Variants in SLC16A7 observed in about 807,000 individuals in gnomAD.
The protein encoded by SLC16A7 is monocarboxylate transporter 2.
In SLC16A7, 33 loss-of-function variants were observed where a neutral mutation model predicts 34.9. The observed-to-expected ratio is 0.94, with a 90% CI of 0.72 to 1.26. The LOEUF (loss-of-function observed/expected upper bound fraction) is 1.26. SLC16A7 is among the 50% of genes most tolerant of loss of function. The pLI is 0.00. For missense variants in SLC16A7, 573 were observed against 578.1 expected, an observed-to-expected ratio of 0.99 and a Z score of 0.09; for synonymous variants, 201 against 206.6, an observed-to-expected ratio of 0.97 and a Z score of 0.23.
intron 1 of SLC16A7, among the ~76,000 whole-genome samples, chr12:59,611,127 A>G (rs1879173811): frequency 6.6e-6 from 1 of 152,216 alleles, no homozygotes; most frequent in Non-Finnish European, 1.5e-5. Context: ...TTAGGACTCA[A>G]TCATCTCCTG....
intron 1 of SLC16A7, among the ~76,000 whole-genome samples, chr12:59,616,015 A>G (rs1879432639): frequency 6.6e-6 from 1 of 152,190 alleles, no homozygotes; most frequent in African/African-American, 2.4e-5. Context: ...GAAACTACAG[A>G]TAATAGTCAT....
At chr12:59,667,375 T>C (rs1869293211) in intron 2 of SLC16A7, among the ~76,000 whole-genome samples, 1 of 152,148 alleles carries the variant, frequency 6.6e-6, no homozygotes, top group African/African-American at 2.4e-5. Context: ...CCTAGAGACT[T>C]GTTGAATGGC....
chr12:59,644,554 C>A (rs1167491203), intron 1 of SLC16A7, among the ~76,000 whole-genome samples: 1 of 152,128 alleles, frequency 6.6e-6, no homozygotes, highest in Non-Finnish European at 1.5e-5. Flanking sequence ...GAGTGAGACT[C>A]TTTCTCAAAA....
intron 3 of SLC16A7, among the ~76,000 whole-genome samples, chr12:59,738,921 A>G (rs1473906449): frequency 6.6e-6 from 1 of 151,428 alleles, no homozygotes; most frequent in Non-Finnish European, 1.5e-5. Flanking sequence ...CCATTTATCT[A>G]TGGAGAACTT....
chr12:59,671,287 G>A (rs771070243), intron 2 of SLC16A7, among the ~76,000 whole-genome samples: 5 of 152,040 alleles, frequency 3.3e-5, no homozygotes, highest in African/African-American at 4.8e-5. Flanking sequence ...GAAATGATAT[G>A]GTTCAAACAT....
At chr12:59,663,493 C>T (rs1693614) in intron 2 of SLC16A7, among the ~76,000 whole-genome samples, 76,508 of 151,740 alleles carry the variant, frequency 0.5, 20,429 homozygotes, top group East Asian at 0.71. Context: ...TCACTTATAT[C>T]ACATTTTAGT....
At chr12:59,758,757 A>T (rs1409894365) in intron 3 of SLC16A7, among the ~76,000 whole-genome samples, 1 of 152,118 alleles carries the variant, frequency 6.6e-6, no homozygotes, top group Non-Finnish European at 1.5e-5. Flanking sequence ...ACAGTACCAC[A>T]TGCACATCTC....
rs182892571 is a variant in SLC16A7, at chr12:59,733,627, C to T, written c.217+28609C>T. 1,031 of 439,248 alleles carry T rather than the reference C, an allele frequency of 2.3e-3. 3 individuals carry two copies. The highest frequency in any genetic ancestry group is 3.8e-3 in the Non-Finnish European group (828 of 219,018). 27.2% of individuals were successfully genotyped at this position (439,248 alleles called of 1,614,324 possible). A position where few individuals can be genotyped will look rare whatever the true frequency, so the allele number is the denominator to read the frequency against. On this transcript the variant is annotated intron_variant, in intron 3 of 5. Coordinates refer to ENST00000547379, the MANE Select transcript of SLC16A7 (RefSeq NM_001270623.2). The stretch of plus-strand genomic sequence containing the variant: ...CTAAGGGCTTCCCAAAGGGCCACAG[C>T]TCCTCTCTCCTTCTCATCACCTGAA...
intron 3 of SLC16A7, among the ~76,000 whole-genome samples, chr12:59,756,023 A>C (rs1282942054): frequency 6.6e-6 from 1 of 152,238 alleles, no homozygotes; most frequent in Non-Finnish European, 1.5e-5. Flanking sequence ...TCCCTATTTA[A>C]TAAACGGTGC....
At chr12:59,615,630 A>C (rs1183752881) in intron 1 of SLC16A7, among the ~76,000 whole-genome samples, 1 of 152,158 alleles carries the variant, frequency 6.6e-6, no homozygotes, top group African/African-American at 2.4e-5. Context: ...ATCAATAATA[A>C]TACCAGCAAA....
At chr12:59,603,348 A>T (rs1211173479) in intron 1 of SLC16A7, among the ~76,000 whole-genome samples, 1 of 152,140 alleles carries the variant, frequency 6.6e-6, no homozygotes, top group Non-Finnish European at 1.5e-5. Flanking sequence ...GTAAGTCCAA[A>T]CAGCTGTTCC....
intron 2 of SLC16A7, among the ~76,000 whole-genome samples, chr12:59,683,735 T>C (rs780432177): frequency 3.9e-5 from 6 of 152,072 alleles, no homozygotes; most frequent in Non-Finnish European, 8.8e-5. Flanking sequence ...ACTGAATCTA[T>C]AGAGATAGAT....
intron 3 of SLC16A7, among the ~76,000 whole-genome samples, chr12:59,732,891 A>T (rs1392843363): frequency 1.3e-5 from 2 of 152,190 alleles, no homozygotes; most frequent in Non-Finnish European, 2.9e-5. Flanking sequence ...GACAGACAAG[A>T]TCACTTTTAA....
chr12:59,641,747 A>G (rs182249013), intron 1 of SLC16A7, among the ~76,000 whole-genome samples: 12 of 152,166 alleles, frequency 7.9e-5, no homozygotes, highest in African/African-American at 2.9e-4. Context: ...GAAGGGAGCC[A>G]ATTCTGATGC....
chr12:59,675,790 A>G (rs1181586848), intron 2 of SLC16A7, among the ~76,000 whole-genome samples: 6 of 152,126 alleles, frequency 3.9e-5, no homozygotes, highest in Non-Finnish European at 7.4e-5. Context: ...TTAGAAAAAA[A>G]ATGACCTGGA....
At chr12:59,617,429 G>T (rs533571110) in intron 1 of SLC16A7, among the ~76,000 whole-genome samples, 1 of 152,020 alleles carries the variant, frequency 6.6e-6, no homozygotes, top group South Asian at 2.1e-4. Flanking sequence ...GTATTTTATG[G>T]AAGACTATTT....
intron 3 of SLC16A7, among the ~76,000 whole-genome samples, chr12:59,724,152 G>T (rs1875959647): frequency 6.6e-6 from 1 of 152,074 alleles, no homozygotes. Context: ...CTGTGCAAGT[G>T]CAGAGCAGCT....
intron 3 of SLC16A7, among the ~76,000 whole-genome samples, chr12:59,746,957 C>T (rs2706286): frequency 0.12 from 18,660 of 152,132 alleles, 1,491 homozygotes; most frequent in African/African-American, 0.22. Context: ...CTCAGCCTAA[C>T]GGGTAGCTGG....
chr12:59,750,253 G>T (rs1044085688), intron 3 of SLC16A7, among the ~76,000 whole-genome samples: 1 of 152,072 alleles, frequency 6.6e-6, no homozygotes, highest in East Asian at 1.9e-4. Flanking sequence ...CACAGCAAAA[G>T]AAACTATCAT....
Sources: allele counts gnomAD v4.1 joint callset (sites outside exome capture counted in the v4.1 genomes callset), GRCh38; gene constraint gnomAD v4.1.1; transcripts MANE v1.5; gene names NCBI Gene and HGNC (gene_info 2026-07-23, HGNC 2026-07-21).